The following TTC8 variants were observed in gnomAD, a reference collection of about 807,000 sequenced individuals.
TTC8 encodes the protein tetratricopeptide repeat domain 8.
In TTC8, 47 loss-of-function variants were observed where a neutral mutation model predicts 72.5. The ratio of observed to expected loss-of-function variants is 0.65; its 90% CI spans 0.51 to 0.83. The LOEUF is 0.83. Ranked by LOEUF, TTC8 falls within the 40% of genes least tolerant of loss-of-function variation. The probability of loss-of-function intolerance (pLI) is 0.00; values close to 1 mark genes in which losing one functional copy is unlikely to be tolerated. For synonymous variants in TTC8, 199 were observed against 221.4 expected (o/e 0.90, Z 0.90); for missense variants, 611 against 623.2 (o/e 0.98, Z 0.21).
At chr14:88,874,673 G>T (rs1253311362) in intron 13 of TTC8, among the ~76,000 whole-genome samples, 1 of 152,164 alleles carries the variant, frequency 6.6e-6, no homozygotes, top group Non-Finnish European at 1.5e-5. Flanking sequence ...TAAGTAGAAT[G>T]TTGTAGTATT....
intron 6 of TTC8, among the ~76,000 whole-genome samples, chr14:88,843,477 C>A (rs1238893610): frequency 6.6e-6 from 1 of 152,108 alleles, no homozygotes; most frequent in East Asian, 1.9e-4. Context: ...TTATTAATAT[C>A]ATAATCACTG....
At chr14:88,864,776 T>C (rs550511125) in intron 10 of TTC8, among the ~76,000 whole-genome samples, 2 of 152,350 alleles carry the variant, frequency 1.3e-5, no homozygotes, top group East Asian at 1.9e-4. Flanking sequence ...ATTTCCGTTA[T>C]GTAAAGGTTT....
chr14:88,859,914 TAAC>T (rs1349186086), intron 9 of TTC8, among the ~76,000 whole-genome samples: 4 of 77,524 alleles, frequency 5.2e-5, no homozygotes, highest in Admixed American at 3.4e-4. Context: ...ATAAATATAA[TAAC>T]TATATAGCAT....
At position 88,841,054 on chromosome 14, in the gene TTC8, G is replaced by A; in HGVS notation, c.347G>A (p.Gly116Glu). ...CTTCACAGGCCAATCACACAAGCTG[G>A]AAGACCCATTACAGGTTTCCTCAGG... Reference protein sequence around the residue: ...SQAVRPITQAGRPITGFLRPS... With the variant: ...SQAVRPITQAERPITGFLRPS... Residue 116 changes from glycine (G) to glutamate (E), a missense_variant, in exon 5 of 15, where the codon GGA becomes GAA. Gly to Glu is a moderately conservative substitution (Grantham distance 98). Coordinates refer to ENST00000380656, the MANE Select transcript of TTC8 (RefSeq NM_144596.4). 1.2e-6 allele frequency: 2 copies of A among 1,614,018 alleles called. No homozygotes were observed. Among genetic ancestry groups the A allele is most frequent in the Non-Finnish European group, 8.5e-7 (1 of 1,179,982 alleles).
rs1442187811 is a variant in TTC8, at chr14:88,871,495, T to G, written c.1050-54T>G. 2 of 1,532,284 alleles carry G rather than the reference T, an allele frequency of 1.3e-6. No homozygotes were observed. Among genetic ancestry groups the G allele is most frequent in the Non-Finnish European group, 1.8e-6 (2 of 1,116,344 alleles). The allele number at this position is 1,532,284 out of a possible 1,614,324, so 94.9% of individuals were successfully genotyped here. A position where few individuals can be genotyped will look rare whatever the true frequency, so the allele number is the denominator to read the frequency against. On this transcript the variant is annotated intron_variant, in intron 11 of 14. Transcript: ENST00000380656. This position sits in a 1 kb window ranked among gnomAD's most constrained non-coding sequence, Gnocchi z 4.1. ...GTGTAAAATATATATATATATGTCT[T>G]AAAACTTACAAAGTTGGTCTGACAC...
At chr14:88,846,126 G>A (rs900037300) in intron 7 of TTC8, among the ~76,000 whole-genome samples, 1 of 151,940 alleles carries the variant, frequency 6.6e-6, no homozygotes, top group Non-Finnish European at 1.5e-5. Context: ...AGGCAACGTG[G>A]CGAAACCCTG....
chr14:88,855,304 C>A (rs866459222), intron 8 of TTC8, among the ~76,000 whole-genome samples: 1 of 152,144 alleles, frequency 6.6e-6, no homozygotes, highest in African/African-American at 2.4e-5. Context: ...CTTACCATCA[C>A]GAAATAAGCA....
Position 88,839,649 on chromosome 14 carries a change from G to A in TTC8, c.265+77G>A, listed in dbSNP as rs906089276. ...TACTGTGTATAAGAGGAATATATAT[G>A]CCTATATATTTCTACACTTTATATA... On this transcript the variant is annotated intron_variant, in intron 3 of 14. Transcript: ENST00000380656. The A allele has an allele frequency of 2.0e-6, 3 of 1,495,062 alleles. No individual in the cohort carries two copies. In the African/African-American group the frequency reaches 4.2e-5, roughly 21 times the overall value. The allele number at this position is 1,495,062 out of a possible 1,614,324, so 92.6% of individuals were successfully genotyped here. A position where few individuals can be genotyped will look rare whatever the true frequency, so the allele number is the denominator to read the frequency against.
chr14:88,843,573 A>G (rs532023075), intron 6 of TTC8, among the ~76,000 whole-genome samples: 36 of 152,158 alleles, frequency 2.4e-4, no homozygotes, highest in Non-Finnish European at 4.3e-4. Flanking sequence ...AAATTTTTCA[A>G]TTGTCTTTCT....
intron 10 of TTC8, among the ~76,000 whole-genome samples, chr14:88,864,782 G>A: frequency 6.6e-6 from 1 of 152,144 alleles, no homozygotes; most frequent in African/African-American, 2.4e-5. Flanking sequence ...GTTATGTAAA[G>A]GTTTACCACA....
chr14:88,847,352 G>T (rs534043677), intron 7 of TTC8, among the ~76,000 whole-genome samples: 2 of 152,240 alleles, frequency 1.3e-5, no homozygotes, highest in African/African-American at 4.8e-5. Context: ...CTGTCTCAAT[G>T]AAAGAAATCA....
At chr14:88,862,193 T>A (rs1036809381) in intron 10 of TTC8, among the ~76,000 whole-genome samples, 6 of 152,094 alleles carry the variant, frequency 3.9e-5, no homozygotes, top group Non-Finnish European at 8.8e-5. Flanking sequence ...TGGGGTGAGA[T>A]GATATTTCAC....
In TTC8 at chr14:88,841,505, GT is replaced by G. The variant is rs1201637776; in HGVS notation, c.572del (p.Leu191TrpfsTer62). ...TAACAAAGTATTCCCAGAAACCTAA[GT>G]TGGCAAAGGTATGTACTTAAAATGA... ...NLTKYSQKPK[L>X]AKALFEYIFH... On this transcript the variant is annotated frameshift_variant, in exon 6 of 15. Coordinates refer to ENST00000380656, the MANE Select transcript of TTC8 (RefSeq NM_144596.4). LOFTEE classifies it high-confidence loss of function. 1 of 1,612,462 alleles carries G rather than the reference GT, an allele frequency of 6.2e-7. No individual in the cohort carries two copies. The highest frequency in any genetic ancestry group is 1.1e-5 in the South Asian group (1 of 91,034).
chr14:88,839,873 C>T (rs2094772161), intron 3 of TTC8, among the ~76,000 whole-genome samples: 2 of 152,112 alleles, frequency 1.3e-5, no homozygotes, highest in Admixed American at 1.3e-4. Flanking sequence ...CTACATTCAA[C>T]TGCTGATCAT....
intron 3 of TTC8, 105 bp downstream of exon 3, chr14:88,839,677 T>A (rs966307820): frequency 1.5e-6 from 2 of 1,301,500 alleles, no homozygotes; most frequent in Middle Eastern, 2.3e-4. Context: ...TTTATATATA[T>A]AAACATTATA....
chr14:88,881,026 A>G (rs2094970685), downstream of TTC8: 1 of 152,146 alleles, frequency 6.6e-6, no homozygotes, highest in South Asian at 2.1e-4. Context: ...GGGCATATAT[A>G]TCATTACAAT....
At chr14:88,858,241 G>T (rs762787193) in intron 9 of TTC8, among the ~76,000 whole-genome samples, 7 of 152,152 alleles carry the variant, frequency 4.6e-5, no homozygotes, top group Non-Finnish European at 8.8e-5. Context: ...GGGGTTACAG[G>T]TGGGAGCCAC....
chr14:88,849,286 A>G lies in TTC8; in HGVS notation c.625-3685A>G, dbSNP rs145111823. 3.5e-4 allele frequency among the ~76,000 whole-genome samples: 54 copies of G among 152,310 alleles called. 1 individual carries two copies. Among genetic ancestry groups the G allele is most frequent in the African/African-American group, 1.3e-3 (54 of 41,570 alleles). On this transcript the variant is annotated intron_variant, in intron 7 of 14. Transcript: ENST00000380656. ...TTGTGGATCAGATTGTTCCATTAAA[A>G]TGTCATTCTTGCTTTTACCAGAAAT... is the stretch of plus-strand genomic sequence containing the variant.
intron 6 of TTC8, among the ~76,000 whole-genome samples, chr14:88,841,758 A>G (rs8014478): frequency 0.11 from 16,367 of 152,188 alleles, 2,402 homozygotes; most frequent in African/African-American, 0.32. Flanking sequence ...AGTAATTTGT[A>G]ACAAAGAAAG....
Sources: gnomAD v4.1 joint callset for allele counts (sites outside exome capture counted in the v4.1 genomes callset) on GRCh38, gnomAD v4.1.1 for gene constraint, Gnocchi (gnomAD v3.1) non-coding constraint, MANE v1.5 for transcripts, NCBI Gene and HGNC (gene_info 2026-07-23, HGNC 2026-07-21) for gene names.